The following PHF1 variants were observed in gnomAD, a reference collection of about 807,000 sequenced individuals.
PHF1 encodes polycomb-like 1.
PHF1 carries 16 observed loss-of-function variants against 69.4 expected under a neutral mutation model. That is an observed-to-expected ratio of 0.23 (90% CI 0.16 to 0.35). The LOEUF (loss-of-function observed/expected upper bound fraction) is 0.35, where lower values mean the gene tolerates loss of function less well. Ranked by LOEUF, PHF1 falls within the 10% of genes least tolerant of loss-of-function variation. The pLI is 1.00. For missense variants in PHF1, 515 were observed against 732.8 expected, an observed-to-expected ratio of 0.70 and a Z score of 3.43; for synonymous variants, 274 against 275.0, an observed-to-expected ratio of 1.00 and a Z score of 0.04.
rs1249102925 is a variant in PHF1, at chr6:33,416,243, TGG to T, written c.*148_*149del. 3 of 603,730 alleles carry T rather than the reference TGG, an allele frequency of 5.0e-6. No individual in the cohort carries two copies. Among genetic ancestry groups the T allele is most frequent in the Non-Finnish European group, 8.0e-6 (3 of 376,552 alleles). The allele number at this position is 603,730 out of a possible 1,614,324, so 37.4% of individuals were successfully genotyped here. On this transcript the variant is annotated 3_prime_UTR_variant, in exon 15 of 15. Coordinates refer to ENST00000374516, the MANE Select transcript of PHF1 (RefSeq NM_024165.3). ...CAGGCTGGAATCCAAGAGTGGGGAGTGGGGAAGAGGCCCTCTTCTCTACCCTC... is the reference window on the plus strand; with the variant it reads ...CAGGCTGGAATCCAAGAGTGGGGAGTGGAAGAGGCCCTCTTCTCTACCCTC...
chr6:33,412,982 G>A lies in PHF1; in HGVS notation c.337+189G>A. On this transcript the variant is annotated intron_variant, in intron 4 of 14. Coordinates refer to ENST00000374516, the MANE Select transcript of PHF1 (RefSeq NM_024165.3). This position sits in a 1 kb window ranked among gnomAD's most constrained non-coding sequence, Gnocchi z 4.2. ...AGGGGTGGTATAACCTTTGCAGGCAGAAGATGGTTTAAATGCATCCTTTTC... is the reference window on the plus strand; with the variant it reads ...AGGGGTGGTATAACCTTTGCAGGCAAAAGATGGTTTAAATGCATCCTTTTC... 1.5e-6 allele frequency: 1 copy of A among 681,976 alleles called. No homozygotes were observed. The highest frequency in any genetic ancestry group is 2.6e-6 in the Non-Finnish European group (1 of 391,252). 42.2% of individuals were successfully genotyped at this position (681,976 alleles called of 1,614,324 possible).
In PHF1 at chr6:33,412,418, A is replaced by C; in HGVS notation, c.155A>C (p.Lys52Thr). Residue 52 changes from lysine to threonine, a missense_variant, in exon 2 of 15, where the codon AAA becomes ACA. This residue lies in a region of PHF1 where 22 missense variants were observed against 48.9 expected (regional missense o/e 0.45). Coordinates refer to ENST00000374516, the MANE Select transcript of PHF1 (RefSeq NM_024165.3). This position sits in a 1 kb window ranked among gnomAD's most constrained non-coding sequence, Gnocchi z 4.2. ...TDGLLYLGTI[K>T]KVDSAREVCL... ...GGGCTGCTATACTTGGGTACCATCA[A>C]AAAGGTAAGACCTTCTACCTCTGAC... The C allele has an allele frequency of 6.2e-7, 1 of 1,614,238 alleles. No individual in the cohort carries two copies. The highest frequency in any genetic ancestry group is 1.1e-5 in the South Asian group (1 of 91,088).
Position 33,413,396 on chromosome 6 carries a change from C to G in PHF1, c.439-13C>G. ...CACCCCTCTGAAGCCACCCACCTGT[C>G]CTGTCTCTGCAGAGGGGAGGTGCCC... On this transcript the variant is annotated splice_polypyrimidine_tract_variant and intron_variant, in intron 5 of 14. Coordinates refer to ENST00000374516, the MANE Select transcript of PHF1 (RefSeq NM_024165.3). The G allele has an allele frequency of 6.2e-7, 1 of 1,614,060 alleles. No individual in the cohort carries two copies. The highest frequency in any genetic ancestry group is 8.5e-7 in the Non-Finnish European group (1 of 1,179,952).
rs757256695 is a variant in PHF1, at chr6:33,414,091, G to A, written c.734G>A (p.Arg245Gln). The A allele has an allele frequency of 6.2e-6, 10 of 1,614,080 alleles. No individual in the cohort carries two copies. Among genetic ancestry groups the A allele is most frequent in the Admixed American group, 1.7e-5 (1 of 60,010 alleles). The change falls in exon 8 of 15, where the codon CGG (arginine) becomes CAG (glutamine). Residue 245 changes from arginine (R) to glutamine (Q), a missense_variant. Coordinates refer to ENST00000374516, the MANE Select transcript of PHF1 (RefSeq NM_024165.3). The surrounding 1 kb of genome is among the most constrained non-coding windows in gnomAD (Gnocchi z 5.0). ...CVCRGGPEKV[R>Q]RLQLRWVDVA... Reference sequence around the variant, plus strand: ...TGTCGCGGGGGCCCTGAGAAAGTCCGGAGACTACAGCTTCGCTGGTGAGCT... The same window carrying A: ...TGTCGCGGGGGCCCTGAGAAAGTCCAGAGACTACAGCTTCGCTGGTGAGCT...
intron 1 of PHF1, among the ~76,000 whole-genome samples, chr6:33,411,884 C>T (rs1008497396): frequency 3.3e-5 from 5 of 152,018 alleles, no homozygotes; most frequent in Non-Finnish European, 5.9e-5. Flanking sequence ...GGAGGCTGGC[C>T]GGGCCCGGTG....
chr6:33,412,607 T>G lies in PHF1; in HGVS notation c.241+18T>G, dbSNP rs1180004201. On this transcript the variant is annotated intron_variant, in intron 3 of 14. Transcript: ENST00000374516. The surrounding 1 kb of genome is among the most constrained non-coding windows in gnomAD (Gnocchi z 4.2). ...TAGCCCTGGTAAGACTCTAGAGACCTGAGATTGCACATCCCATGGAAAACA... is the reference window on the plus strand; with the variant it reads ...TAGCCCTGGTAAGACTCTAGAGACCGGAGATTGCACATCCCATGGAAAACA... 8 of 1,613,548 alleles carry G rather than the reference T, an allele frequency of 5.0e-6. No homozygotes were observed. In the Middle Eastern group the frequency reaches 8.3e-4, roughly 166 times the overall value.
rs978796580 is a variant in PHF1 at position 33,413,923 on chromosome 6, T to G, written c.683+92T>G. The G allele has an allele frequency of 2.7e-5, 42 of 1,532,042 alleles. 1 individual carries two copies. The highest frequency in any genetic ancestry group is 2.1e-4 in the Middle Eastern group (1 of 4,858). 94.9% of individuals were successfully genotyped at this position (1,532,042 alleles called of 1,614,324 possible). A position where few individuals can be genotyped will look rare whatever the true frequency, so the allele number is the denominator to read the frequency against. ...TCCCACGCCCTTCTCCACTCCAGTC[T>G]CTTCCCAACCTCTGCAGCGTTACCT... On this transcript the variant is annotated intron_variant, in intron 7 of 14. Transcript: ENST00000374516.
rs1335163694 is a variant in PHF1, at chr6:33,414,208, A to C, written c.753-35A>C. 6.2e-7 allele frequency: 1 copy of C among 1,613,904 alleles called. No homozygotes were observed. The highest frequency in any genetic ancestry group is 1.1e-5 in the South Asian group (1 of 91,076). ...CCTCAGGACTCCCCTGGCTCTTAAAATGCCTCTGTGGTCTTGAAAACTTTG... is the reference window on the plus strand; with the variant it reads ...CCTCAGGACTCCCCTGGCTCTTAAACTGCCTCTGTGGTCTTGAAAACTTTG... On this transcript the variant is annotated intron_variant, in intron 8 of 14. Transcript: ENST00000374516. The surrounding 1 kb of genome is among the most constrained non-coding windows in gnomAD (Gnocchi z 5.0).
In PHF1 at chr6:33,414,332, C is replaced by G. The variant is rs777108891; in HGVS notation, c.842C>G (p.Thr281Ser). ...FDFDREILPF[T>S]SENWDSLLLG... is the part of the protein sequence containing the mutation. The stretch of plus-strand genomic sequence containing the variant: ...TTTGATCGTGAGATCCTCCCCTTCA[C>G]TTCTGAGAATTGGGACAGTTTGCTC... Residue 281 changes from threonine (T) to serine (S), a missense_variant, in exon 9 of 15, where the codon ACT (threonine) becomes AGT (serine). Thr to Ser is a moderately conservative substitution (Grantham distance 58, BLOSUM62 1). Transcript: ENST00000374516. The surrounding 1 kb of genome is among the most constrained non-coding windows in gnomAD (Gnocchi z 5.0). 1.2e-6 allele frequency: 2 copies of G among 1,614,164 alleles called. No individual in the cohort carries two copies. Among genetic ancestry groups the G allele is most frequent in the African/African-American group, 1.3e-5 (1 of 75,038 alleles).
In PHF1 at chr6:33,414,691, C is replaced by T. The variant is rs756898331; in HGVS notation, c.945-34C>T. The stretch of plus-strand genomic sequence containing the variant: ...CGTAAGGAGGAACCGTTTTTTACAG[C>T]ACTGACCCTATATCATTTCTCTTCT... On this transcript the variant is annotated intron_variant, in intron 10 of 14. Coordinates refer to ENST00000374516, the MANE Select transcript of PHF1 (RefSeq NM_024165.3). The surrounding 1 kb of genome is among the most constrained non-coding windows in gnomAD (Gnocchi z 5.0). 5.1e-6 allele frequency: 8 copies of T among 1,582,070 alleles called. No individual in the cohort carries two copies. In the Admixed American group the frequency reaches 1.2e-4, roughly 23 times the overall value.
rs1776453950 is a variant in PHF1, at chr6:33,416,086, G to C, written c.1692G>C (p.Gly564=). ...AGTACCTGGTTGAGTGGGGAGGAGG[G>C]GGCATCTTCTGAACAGCCTGCCTCT... ...SVQYLVEWGG[G]GIF The change falls in exon 15 of 15, where the codon GGG becomes GGC. Residue 564 remains glycine, a synonymous_variant. Transcript: ENST00000374516. 1.3e-6 allele frequency: 2 copies of C among 1,544,118 alleles called. No individual in the cohort carries two copies. The highest frequency in any genetic ancestry group is 1.2e-5 in the South Asian group (1 of 81,888).
chr6:33,410,585 G>GAGTGGAGGGCGGGGCGCT (rs1775944034), upstream of PHF1: 1 of 151,184 alleles, frequency 6.6e-6, no homozygotes, highest in Admixed American at 6.6e-5. Flanking sequence ...GGCGGGGCGC[G>GAGTGGAGGGCGGGGCGCT]CGAGGGAGGA....
In PHF1 at chr6:33,415,287, G is replaced by C; in HGVS notation, c.1292G>C (p.Ser431Thr). 6.2e-7 allele frequency: 1 copy of C among 1,613,848 alleles called. No homozygotes were observed. Among genetic ancestry groups the C allele is most frequent in the African/African-American group, 1.3e-5 (1 of 74,988 alleles). ...PSPNQSYQGS[S>T]GYNFRPTDAR... ...CCTAACCAGAGTTACCAGGGCAGCA[G>C]CGGCTACAACTTCCGGCCCACAGAT... Residue 431 changes from serine (S) to threonine (T), a missense_variant, in exon 13 of 15, where the codon AGC (serine) becomes ACC (threonine). This residue lies in a region of PHF1 where 274 missense variants were observed against 304.5 expected (regional missense o/e 0.90). Coordinates refer to ENST00000374516, the MANE Select transcript of PHF1 (RefSeq NM_024165.3).
upstream of PHF1, chr6:33,410,922 C>G (rs1036115858): frequency 6.6e-5 from 10 of 150,532 alleles, no homozygotes; most frequent in African/African-American, 2.4e-4. Flanking sequence ...GCCCGCCCCC[C>G]CCTCCGGCTC....
At position 33,415,300 on chromosome 6, in the gene PHF1, C is replaced by G. The variant is rs760700226; in HGVS notation, c.1305C>G (p.Phe435Leu). The G allele has an allele frequency of 4.3e-6, 7 of 1,613,652 alleles. No homozygotes were observed. The highest frequency in any genetic ancestry group is 1.3e-5 in the African/African-American group (1 of 74,996). The change falls in exon 13 of 15, where the codon TTC becomes TTG. Residue 435 changes from phenylalanine (F) to leucine (L), a missense_variant. Coordinates refer to ENST00000374516, the MANE Select transcript of PHF1 (RefSeq NM_024165.3). ...QSYQGSSGYN[F>L]RPTDARCLPS... Reference sequence around the variant, plus strand: ...ACCAGGGCAGCAGCGGCTACAACTTCCGGCCCACAGATGCCCGCTGCCTGC... The same window carrying G: ...ACCAGGGCAGCAGCGGCTACAACTTGCGGCCCACAGATGCCCGCTGCCTGC...
chr6:33,412,653 A>G lies in PHF1; in HGVS notation c.242-45A>G. 3 of 1,611,654 alleles carry G rather than the reference A, an allele frequency of 1.9e-6. No individual in the cohort carries two copies. Among genetic ancestry groups the G allele is most frequent in the Non-Finnish European group, 1.7e-6 (2 of 1,177,686 alleles). ...AAACAAACCTGGCCTAGAGGGGCAG[A>G]AAGAGACTTAAAGGCAGGCCCTGTG... On this transcript the variant is annotated intron_variant, in intron 3 of 14. Coordinates refer to ENST00000374516, the MANE Select transcript of PHF1 (RefSeq NM_024165.3). This position sits in a 1 kb window ranked among gnomAD's most constrained non-coding sequence, Gnocchi z 4.2.
chr6:33,413,239 A>G lies in PHF1; in HGVS notation c.381A>G (p.Gly127=). The G allele has an allele frequency of 6.2e-7, 1 of 1,614,166 alleles. No homozygotes were observed. The highest frequency in any genetic ancestry group is 8.5e-7 in the Non-Finnish European group (1 of 1,180,036). ...ATGTTCCCAGGGCTCCAGCCCCTGG[A>G]GAGGGAGAGGGCACATCCTGGGTAT... ...DCHVPRAPAP[G]EGEGTSWVCR... The change falls in exon 5 of 15, where the codon GGA becomes GGG. Residue 127 remains glycine (G), a synonymous_variant. Transcript: ENST00000374516.
Position 33,415,797 on chromosome 6 carries a change from C to A in PHF1, c.1416-13C>A. 6.3e-7 allele frequency: 1 copy of A among 1,594,874 alleles called. No homozygotes were observed. Among genetic ancestry groups the A allele is most frequent in the Non-Finnish European group, 8.6e-7 (1 of 1,166,410 alleles). ...ATTTCTGCCCATTTCTTACAATTGC[C>A]TTCTCTCCCTAGGTCACCCCTGGAA... On this transcript the variant is annotated splice_polypyrimidine_tract_variant and intron_variant, in intron 14 of 14. Transcript: ENST00000374516.
chr6:33,416,271 C>G lies in PHF1; in HGVS notation c.*173C>G. 1.9e-6 allele frequency: 1 copy of G among 514,574 alleles called. No homozygotes were observed. The highest frequency in any genetic ancestry group is 3.4e-6 in the Non-Finnish European group (1 of 297,558). The allele number at this position is 514,574 out of a possible 1,614,324, so 31.9% of individuals were successfully genotyped here. A position where few individuals can be genotyped will look rare whatever the true frequency, so the allele number is the denominator to read the frequency against. ...GGAAGAGGCCCTCTTCTCTACCCTC[C>G]TTCATGATTCCTGACCCCTCCCATC... On this transcript the variant is annotated 3_prime_UTR_variant, in exon 15 of 15. Coordinates refer to ENST00000374516, the MANE Select transcript of PHF1 (RefSeq NM_024165.3).
Sources: gnomAD v4.1 joint callset for allele counts (sites outside exome capture counted in the v4.1 genomes callset) on GRCh38, gnomAD v4.1.1 for gene constraint, gnomAD v4.1.1 regional missense constraint, Gnocchi (gnomAD v3.1) non-coding constraint, MANE v1.5 for transcripts, NCBI Gene and HGNC (gene_info 2026-07-23, HGNC 2026-07-21) for gene names.